The following POLR2F variants were observed in gnomAD, a reference collection of about 807,000 sequenced individuals.
The protein encoded by POLR2F is RNA polymerase II, I and III subunit F, also known as DNA-directed RNA polymerases I, II, and III subunit RPABC2.
POLR2F carries 12 observed loss-of-function variants against 22.7 expected under a neutral mutation model. The observed-to-expected ratio is 0.53, with a 90% CI of 0.34 to 0.86. POLR2F has a LOEUF of 0.86. Ranked by LOEUF, POLR2F falls within the 40% of genes least tolerant of loss-of-function variation. The probability of loss-of-function intolerance (pLI) is 0.02; values close to 1 mark genes in which losing one functional copy is unlikely to be tolerated. For synonymous variants in POLR2F, 57 were observed against 66.0 expected, an observed-to-expected ratio of 0.86 and a Z score of 0.66; for missense variants, 126 against 171.5, an observed-to-expected ratio of 0.73 and a Z score of 1.48.
chr22:37,999,326 G>A (rs1219863668), intron 1 of POLR2F, among the ~76,000 whole-genome samples: 4 of 152,170 alleles, frequency 2.6e-5, no homozygotes, highest in African/African-American at 7.2e-5. Flanking sequence ...ACCTTTGGCC[G>A]CCTGCGTGTG....
chr22:37,976,742 G>T (rs1932231698), intron 4 of POLR2F, among the ~76,000 whole-genome samples: 1 of 152,198 alleles, frequency 6.6e-6, no homozygotes. Context: ...TGCAAGGATT[G>T]AGTTAGTATA....
intron 1 of POLR2F, among the ~76,000 whole-genome samples, chr22:38,021,774 G>A (rs980092884): frequency 3.3e-5 from 5 of 151,750 alleles, no homozygotes; most frequent in African/African-American, 9.7e-5. Flanking sequence ...TTGATTATGC[G>A]TCCTTCTCAG....
chr22:37,992,999 T>C, intron 1 of POLR2F, among the ~76,000 whole-genome samples: 1 of 152,176 alleles, frequency 6.6e-6, no homozygotes, highest in Non-Finnish European at 1.5e-5. Context: ...AGGGAGCTTG[T>C]TCATTCATAC....
downstream of POLR2F, among the ~76,000 whole-genome samples, chr22:38,029,416 C>T (rs1192331920): frequency 6.6e-6 from 1 of 152,174 alleles, no homozygotes; most frequent in Non-Finnish European, 1.5e-5. Flanking sequence ...GCTCTGTCTC[C>T]TCTGGCTATG....
intron 4 of POLR2F, among the ~76,000 whole-genome samples, chr22:37,976,827 T>C (rs983851927): frequency 7.9e-5 from 12 of 152,108 alleles, no homozygotes; most frequent in Non-Finnish European, 1.3e-4. Flanking sequence ...TTATTATCAT[T>C]AATGAAAATT....
chr22:37,973,269 CCTT>C, downstream of POLR2F: 4 of 515,826 alleles, frequency 7.8e-6, no homozygotes, highest in South Asian at 1.0e-4. Flanking sequence ...CAGTCAACCT[CCTT>C]CTCCTCTGTC....
At chr22:37,999,181 G>T (rs913784436) in intron 1 of POLR2F, among the ~76,000 whole-genome samples, 1 of 152,226 alleles carries the variant, frequency 6.6e-6, no homozygotes, top group South Asian at 2.1e-4. Flanking sequence ...GCTCCTTGTG[G>T]GAAATGCCCT....
chr22:38,027,008 G>A (rs764652964), downstream of POLR2F, among the ~76,000 whole-genome samples: 4 of 152,172 alleles, frequency 2.6e-5, no homozygotes, highest in South Asian at 2.1e-4. Context: ...GAGAGACAGC[G>A]GCTTTCCATG....
intron 3 of POLR2F, among the ~76,000 whole-genome samples, chr22:37,965,423 C>T (rs1007425085): frequency 2.0e-5 from 3 of 152,218 alleles, no homozygotes; most frequent in Admixed American, 6.5e-5. Context: ...TGATGTGTTT[C>T]TCTGTAGAAG....
downstream of POLR2F, among the ~76,000 whole-genome samples, chr22:38,026,994 C>G (rs535012711): frequency 6.6e-6 from 1 of 152,110 alleles, no homozygotes; most frequent in East Asian, 1.9e-4. Flanking sequence ...GAGGGGCGTG[C>G]ATGGAGAGAC....
intron 1 of POLR2F, among the ~76,000 whole-genome samples, chr22:37,989,437 A>T (rs553923910): frequency 4.6e-5 from 7 of 152,224 alleles, no homozygotes; most frequent in African/African-American, 1.7e-4. Context: ...CACAGTCAGG[A>T]GTTTATCATT....
At chr22:37,967,524 T>G in intron 4 of POLR2F, 101 bp from the exon 5 acceptor site, 1 of 1,542,396 alleles carries the variant, frequency 6.5e-7, no homozygotes. Context: ...AGGCTGCTCC[T>G]AAGACTTCTC....
chr22:37,974,241 C>A, downstream of POLR2F: 1 of 1,497,690 alleles, frequency 6.7e-7, no homozygotes, highest in South Asian at 1.2e-5. The surrounding 1 kb of genome is among the most constrained non-coding windows in gnomAD (Gnocchi z 5.4). Flanking sequence ...AAGGGGGAAG[C>A]AGGTTAGAGG....
intron 5 of POLR2F, among the ~76,000 whole-genome samples, chr22:38,037,181 G>A (rs890016872): frequency 1.3e-5 from 2 of 152,198 alleles, no homozygotes; most frequent in African/African-American, 4.8e-5. Flanking sequence ...TGGGCACATG[G>A]CCACTGCTCA....
downstream of POLR2F, among the ~76,000 whole-genome samples, chr22:37,969,624 G>A (rs1223482195): frequency 1.3e-5 from 2 of 152,174 alleles, no homozygotes; most frequent in South Asian, 4.1e-4. Context: ...CGGCGAGCAG[G>A]AGTAGTGAAC....
At chr22:37,990,821 C>A (rs1363134071) in intron 1 of POLR2F, among the ~76,000 whole-genome samples, 1 of 152,242 alleles carries the variant, frequency 6.6e-6, no homozygotes, top group African/African-American at 2.4e-5. Context: ...GAGAGTGTTT[C>A]CATATTTGAT....
chr22:38,035,679 T>C (rs1324310118), intron 5 of POLR2F, among the ~76,000 whole-genome samples: 2 of 152,150 alleles, frequency 1.3e-5, no homozygotes, highest in Non-Finnish European at 2.9e-5. Context: ...GCACTTCATA[T>C]GCATCTGCTT....
Position 37,978,030 on chromosome 22 carries a change from C to A in POLR2F, c.293+10860C>A. On this transcript the variant is annotated intron_variant, in intron 4 of 4. Coordinates refer to the POLR2F transcript ENST00000405557. The surrounding 1 kb of genome is among the most constrained non-coding windows in gnomAD (Gnocchi z 5.0). Reference sequence around the variant, plus strand: ...CGCCCTGGGCGGCCTTCCCGTTCTTCCGCCGCCTGGGCTGGTACTTGTAGT... The same window carrying A: ...CGCCCTGGGCGGCCTTCCCGTTCTTACGCCGCCTGGGCTGGTACTTGTAGT... 1 of 1,611,506 alleles carries A rather than the reference C, an allele frequency of 6.2e-7. No homozygotes were observed. The highest frequency in any genetic ancestry group is 8.5e-7 in the Non-Finnish European group (1 of 1,179,440).
intron 3 of POLR2F, among the ~76,000 whole-genome samples, chr22:37,961,845 C>T (rs1319045657): frequency 1.5e-5 from 2 of 133,284 alleles, no homozygotes; most frequent in Non-Finnish European, 3.3e-5. Context: ...AACAGGAGCC[C>T]CTACCCCAAA....
Sources: allele counts gnomAD v4.1 joint callset (sites outside exome capture counted in the v4.1 genomes callset), GRCh38; gene constraint gnomAD v4.1.1; non-coding constraint Gnocchi (gnomAD v3.1); transcripts MANE v1.5; gene names NCBI Gene and HGNC (gene_info 2026-07-23, HGNC 2026-07-21).